CNOT10: variants seen among roughly 807,000 people sequenced by gnomAD.
CNOT10 encodes the protein CCR4-NOT transcription complex, subunit 10.
Under a neutral mutation model 94.6 loss-of-function variants are expected in CNOT10, and 30 were observed. The observed-to-expected ratio is 0.32, with a 90% CI of 0.24 to 0.43. The LOEUF (loss-of-function observed/expected upper bound fraction) is 0.43, where lower values mean the gene tolerates loss of function less well. Among genes scored for constraint, CNOT10 ranks in the 20% least tolerant of loss-of-function variants. The pLI, the probability that CNOT10 is intolerant of heterozygous loss-of-function variation, is 1.00. For synonymous variants in CNOT10, 289 were observed against 301.6 expected, an observed-to-expected ratio of 0.96 and a Z score of 0.43; for missense variants, 759 against 877.2, an observed-to-expected ratio of 0.87 and a Z score of 1.70.
chr3:32,754,133 AT>A (rs1176258067), intron 13 of CNOT10, among the ~76,000 whole-genome samples: 2 of 151,836 alleles, frequency 1.3e-5, no homozygotes, highest in South Asian at 2.1e-4. Context: ...CAAGTTTAAC[AT>A]TTTTTGGATT....
At chr3:32,748,829 T>C (rs1326819404) in intron 13 of CNOT10, among the ~76,000 whole-genome samples, 2 of 151,030 alleles carry the variant, frequency 1.3e-5, no homozygotes, top group Admixed American at 1.3e-4. Context: ...GTTTTTGTGG[T>C]TTTTTTGTTT....
At chr3:32,735,128 G>C (rs192905959) in intron 12 of CNOT10, 152 bp downstream of exon 12, 6 of 680,740 alleles carry the variant, frequency 8.8e-6, no homozygotes, top group Admixed American at 3.0e-5. Flanking sequence ...ATGTTTCTGA[G>C]TCTTTCTGGA....
Position 32,744,258 on chromosome 3 carries a change from CTT to C in CNOT10, c.1595+6771_1595+6772del, listed in dbSNP as rs1212505475. On this transcript the variant is annotated intron_variant, in intron 13 of 18. Transcript: ENST00000328834. The stretch of plus-strand genomic sequence containing the variant: ...ATTTCATCTATTTCTGACCTGAACT[CTT>C]TTAGATTATTGAAAATGTGACTAGT... 5.9e-5 allele frequency among the ~76,000 whole-genome samples: 9 copies of C among 152,218 alleles called. No individual in the cohort carries two copies. The South Asian group carries it at 1.9e-3, about 32-fold the overall frequency.
At chr3:32,726,054 C>G (rs1698652992) in intron 9 of CNOT10, among the ~76,000 whole-genome samples, 1 of 152,120 alleles carries the variant, frequency 6.6e-6, no homozygotes, top group Admixed American at 6.6e-5. Flanking sequence ...AAGTGACCCT[C>G]CCACTTCAGC....
intron 1 of CNOT10, among the ~76,000 whole-genome samples, chr3:32,692,085 G>A (rs1696876091): frequency 1.3e-5 from 2 of 151,198 alleles, no homozygotes; most frequent in African/African-American, 4.9e-5. Context: ...TTCCCGCCAG[G>A]CATGGTGGTT....
intron 8 of CNOT10, among the ~76,000 whole-genome samples, chr3:32,721,091 G>C (rs1389645366): frequency 3.2e-5 from 3 of 94,842 alleles, no homozygotes; most frequent in African/African-American, 1.2e-4. Context: ...ACAGAGTCTT[G>C]CTCTGTTGCC....
chr3:32,770,175 T>G (rs929913098), intron 18 of CNOT10, among the ~76,000 whole-genome samples: 2 of 151,818 alleles, frequency 1.3e-5, no homozygotes, highest in African/African-American at 4.8e-5. Flanking sequence ...CCCAACTAAT[T>G]TTTTAAATTT....
In CNOT10 at chr3:32,716,283, T is replaced by C; in HGVS notation, c.632T>C (p.Ile211Thr). Residue 211 changes from isoleucine (I) to threonine (T), a missense_variant, in exon 6 of 19, where the codon ATA becomes ACA. Physicochemically the swap from Ile to Thr is moderately conservative, Grantham distance 89 (BLOSUM62 -1). Around this residue, in one of 3 missense-constraint regions of CNOT10, gnomAD observed 682 missense variants for 799.4 expected, o/e 0.85. Transcript: ENST00000328834. ...SNHKAESGAL[I>T]EAAKSKIHQY... Reference sequence around the variant, plus strand: ...CATAAAGCTGAAAGTGGAGCTCTAATAGAAGCTGCAAAATCAAAGATACAT... The same window carrying C: ...CATAAAGCTGAAAGTGGAGCTCTAACAGAAGCTGCAAAATCAAAGATACAT... 1 of 1,602,178 alleles carries C rather than the reference T, an allele frequency of 6.2e-7. No homozygotes were observed. The highest frequency in any genetic ancestry group is 8.5e-7 in the Non-Finnish European group (1 of 1,173,044).
chr3:32,716,368 C>A, intron 6 of CNOT10, 57 bp downstream of exon 6: 1 of 838,026 alleles, frequency 1.2e-6, no homozygotes. Context: ...GTAGTTATGA[C>A]AAATGAAGCA....
intron 12 of CNOT10, among the ~76,000 whole-genome samples, chr3:32,736,021 A>G (rs2125583010): frequency 6.6e-6 from 1 of 152,196 alleles, no homozygotes; most frequent in Admixed American, 6.5e-5. Flanking sequence ...ACATACCATT[A>G]TATATAGGGA....
chr3:32,695,570 CGTG>C (rs1409033183), intron 1 of CNOT10: 5 of 1,526,114 alleles, frequency 3.3e-6, no homozygotes, highest in Admixed American at 2.0e-5. Context: ...GTTTTGAAAA[CGTG>C]GTGCATTTCT....
At chr3:32,753,334 C>G in intron 13 of CNOT10, 1 of 1,147,808 alleles carries the variant, frequency 8.7e-7, no homozygotes, top group Non-Finnish European at 1.3e-6. Flanking sequence ...TCAGGTATGA[C>G]TGGTATCAAA....
At position 32,717,169 on chromosome 3, in the gene CNOT10, T is replaced by C; in HGVS notation, c.676T>C (p.Tyr226His). The C allele has an allele frequency of 6.2e-7, 1 of 1,603,636 alleles. No homozygotes were observed. The highest frequency in any genetic ancestry group is 8.5e-7 in the Non-Finnish European group (1 of 1,172,766). ...SKIHQYKVRA[Y>H]IQMKSLKACK... ...CCTTTGACAGTACAAAGTACGAGCT[T>C]ATATCCAAATGAAGTCTCTGAAAGC... is the stretch of plus-strand genomic sequence containing the variant. Residue 226 changes from tyrosine (Y) to histidine (H), a missense_variant, in exon 7 of 19, where the codon TAT becomes CAT. Tyr to His is a moderately conservative substitution (Grantham distance 83, BLOSUM62 2). Around this residue, in one of 3 missense-constraint regions of CNOT10, gnomAD observed 682 missense variants for 799.4 expected, o/e 0.85. Coordinates refer to ENST00000328834, the MANE Select transcript of CNOT10 (RefSeq NM_015442.3).
chr3:32,713,190 G>A, intron 4 of CNOT10, 37 bp from the exon 5 acceptor site: 1 of 1,534,512 alleles, frequency 6.5e-7, no homozygotes. Flanking sequence ...TTTACTTTAG[G>A]TTGTGACTAT....
At chr3:32,741,825 A>G (rs1171961898) in intron 13 of CNOT10, among the ~76,000 whole-genome samples, 3 of 151,494 alleles carry the variant, frequency 2.0e-5, no homozygotes, top group Admixed American at 1.3e-4. Flanking sequence ...CAGAGTGACT[A>G]TACCATTTTA....
At position 32,729,923 on chromosome 3, in the gene CNOT10, T is replaced by C. The variant is rs1031656936; in HGVS notation, c.1215+2053T>C. ...AGCTGGGACTACAGGCGCCCGCCAC[T>C]ACGCCCGGCTAATTTTTTGTATTTT... On this transcript the variant is annotated intron_variant, in intron 10 of 18. Coordinates refer to ENST00000328834, the MANE Select transcript of CNOT10 (RefSeq NM_015442.3). Among the ~76,000 whole-genome samples the C allele has an allele frequency of 6.4e-4, 97 of 150,510 alleles. 1 individual carries two copies. The highest frequency in any genetic ancestry group is 6.8e-3 in the Middle Eastern group (2 of 292).
At chr3:32,753,286 T>A in intron 13 of CNOT10, 1 of 863,772 alleles carries the variant, frequency 1.2e-6, no homozygotes, top group South Asian at 1.3e-5. Flanking sequence ...AAGCTCAGAA[T>A]GGCCCAGAAT....
chr3:32,695,492 A>G (rs1481501352), intron 1 of CNOT10: 6 of 1,339,584 alleles, frequency 4.5e-6, no homozygotes, highest in South Asian at 3.0e-5. Context: ...GTCTCCACCA[A>G]TCAGATTTGA....
Position 32,734,990 on chromosome 3 carries a change from T to C in CNOT10, c.1514+14T>C. 6.3e-7 allele frequency: 1 copy of C among 1,597,942 alleles called. No homozygotes were observed. The highest frequency in any genetic ancestry group is 8.6e-7 in the Non-Finnish European group (1 of 1,169,122). ...TGAAACTTGCAGGTATTCTAATCCT[T>C]GTGACCTCCTTTGGCAAAATCCTTT... On this transcript the variant is annotated intron_variant, in intron 12 of 18. Coordinates refer to ENST00000328834, the MANE Select transcript of CNOT10 (RefSeq NM_015442.3).
Sources: gnomAD v4.1 joint callset for allele counts (sites outside exome capture counted in the v4.1 genomes callset) on GRCh38, gnomAD v4.1.1 for gene constraint, gnomAD v4.1.1 regional missense constraint, MANE v1.5 for transcripts, NCBI Gene and HGNC (gene_info 2026-07-23, HGNC 2026-07-21) for gene names.